LNPK: variants seen among roughly 807,000 people sequenced by gnomAD.
LNPK encodes the protein lunapark, ER junction formation factor, also known as endoplasmic reticulum junction formation protein lunapark.
A neutral mutation model predicts 55.2 loss-of-function variants in LNPK; 29 were observed. That is an observed-to-expected ratio of 0.53 (90% confidence interval 0.39 to 0.72). The LOEUF (loss-of-function observed/expected upper bound fraction) is 0.72. Among genes scored for constraint, LNPK ranks in the 30% least tolerant of loss-of-function variants. The pLI, the probability that LNPK is intolerant of heterozygous loss-of-function variation, is 0.00. For missense variants in LNPK, 467 were observed against 494.8 expected, an observed-to-expected ratio of 0.94 and a Z score of 0.53; for synonymous variants, 162 against 168.2, an observed-to-expected ratio of 0.96 and a Z score of 0.29.
intron 1 of LNPK, among the ~76,000 whole-genome samples, chr2:176,000,092 T>TGTC (rs535926878): frequency 1.0e-3 from 155 of 152,340 alleles, no homozygotes; most frequent in African/African-American, 3.3e-3. Context: ...TGAACAATAA[T>TGTC]GACCACCTTA....
chr2:175,954,924 C>CTAATACAAGCTAAATGCCA (rs1685620449), intron 8 of LNPK, among the ~76,000 whole-genome samples: 1 of 152,116 alleles, frequency 6.6e-6, no homozygotes, highest in South Asian at 2.1e-4. Flanking sequence ...ACTAAATATT[C>CTAATACAAGCTAAATGCCA]TAATACAAGC....
intron 8 of LNPK, among the ~76,000 whole-genome samples, chr2:175,961,826 C>A (rs1410969538): frequency 6.6e-6 from 1 of 152,188 alleles, no homozygotes; most frequent in Non-Finnish European, 1.5e-5. Flanking sequence ...CCCAAAATCT[C>A]CCTAAGCTGA....
chr2:175,928,905 A>C lies in LNPK; in HGVS notation c.*1062T>G, dbSNP rs1490165112. ...AAATGGCTGGCCTACGATGTTCCTGAATCAGAAAAACCTAACTTCTGATTA... is the reference window on the plus strand; with the variant it reads ...AAATGGCTGGCCTACGATGTTCCTGCATCAGAAAAACCTAACTTCTGATTA... On this transcript the variant is annotated 3_prime_UTR_variant, in exon 13 of 13. Coordinates refer to ENST00000272748, the MANE Select transcript of LNPK (RefSeq NM_030650.3). The C allele has an allele frequency of 5.8e-6, 1 of 172,184 alleles. No individual in the cohort carries two copies. Among genetic ancestry groups the C allele is most frequent in the East Asian group, 1.9e-4 (1 of 5,262 alleles). The allele number at this position is 172,184 out of a possible 1,614,324, so 10.7% of individuals were successfully genotyped here. A position where few individuals can be genotyped will look rare whatever the true frequency, so the allele number is the denominator to read the frequency against.
At chr2:175,934,125 A>G (rs1684425729) in intron 12 of LNPK, among the ~76,000 whole-genome samples, 1 of 152,240 alleles carries the variant, frequency 6.6e-6, no homozygotes, top group South Asian at 2.1e-4. Flanking sequence ...TGTGTCTAAA[A>G]CAAACATGCA....
Position 175,929,716 on chromosome 2 carries a change from T to C in LNPK, c.*251A>G, listed in dbSNP as rs1470021114. On this transcript the variant is annotated 3_prime_UTR_variant, in exon 13 of 13. Transcript: ENST00000272748. ...CTTACTTTTAGAATGGACAAAAAAGTATCTAAAAGCTGTCTCAATAGTGTG... is the reference window on the plus strand; with the variant it reads ...CTTACTTTTAGAATGGACAAAAAAGCATCTAAAAGCTGTCTCAATAGTGTG... 3 of 1,301,058 alleles carry C rather than the reference T, an allele frequency of 2.3e-6. No individual in the cohort carries two copies. Among genetic ancestry groups the C allele is most frequent in the Non-Finnish European group, 2.9e-6 (3 of 1,026,814 alleles). 80.6% of individuals were successfully genotyped at this position (1,301,058 alleles called of 1,614,324 possible). A position where few individuals can be genotyped will look rare whatever the true frequency, so the allele number is the denominator to read the frequency against.
At chr2:175,996,801 T>C (rs1432970162) in intron 1 of LNPK, among the ~76,000 whole-genome samples, 1 of 152,212 alleles carries the variant, frequency 6.6e-6, no homozygotes, top group Non-Finnish European at 1.5e-5. Flanking sequence ...CTCTCGAATG[T>C]TTTATAATAG....
At chr2:175,970,489 T>C (rs1686605463) in intron 6 of LNPK, among the ~76,000 whole-genome samples, 1 of 151,132 alleles carries the variant, frequency 6.6e-6, no homozygotes, top group Admixed American at 6.6e-5. Context: ...ATTTTTACCC[T>C]CTCTGCCTCA....
At chr2:175,969,810 C>G (rs1047069209) in intron 6 of LNPK, among the ~76,000 whole-genome samples, 4 of 152,124 alleles carry the variant, frequency 2.6e-5, no homozygotes, top group African/African-American at 7.2e-5. Flanking sequence ...TGATAAATAC[C>G]TCACAGGACA....
intron 6 of LNPK, among the ~76,000 whole-genome samples, chr2:175,968,469 T>C (rs1686482181): frequency 6.6e-6 from 1 of 152,194 alleles, no homozygotes; most frequent in Non-Finnish European, 1.5e-5. Flanking sequence ...GAAGGAATGC[T>C]CATGGATGCA....
chr2:175,968,068 G>A (rs1686462855), intron 6 of LNPK, among the ~76,000 whole-genome samples: 1 of 152,064 alleles, frequency 6.6e-6, no homozygotes, highest in East Asian at 1.9e-4. Flanking sequence ...ATTAATAAGA[G>A]AGTGCCATAA....
chr2:175,991,209 TACTAAACATCTC>T (rs1471360610), intron 4 of LNPK, among the ~76,000 whole-genome samples: 1 of 152,188 alleles, frequency 6.6e-6, no homozygotes, highest in Non-Finnish European at 1.5e-5. Context: ...TGCTTAAATT[TACTAAACATCTC>T]ATACTTATTT....
At chr2:176,001,860 T>A (rs754662704) in intron 1 of LNPK, among the ~76,000 whole-genome samples, 1 of 152,014 alleles carries the variant, frequency 6.6e-6, no homozygotes, top group African/African-American at 2.4e-5. Context: ...CCACCCGGAA[T>A]CTCCTAGAAC....
chr2:175,976,305 G>T (rs1483501266), intron 5 of LNPK, among the ~76,000 whole-genome samples: 1 of 152,250 alleles, frequency 6.6e-6, no homozygotes, highest in East Asian at 1.9e-4. Flanking sequence ...TAGAACTGTA[G>T]TAGTAAAGAA....
chr2:175,980,914 A>G (rs557514637), intron 4 of LNPK, among the ~76,000 whole-genome samples: 153 of 152,126 alleles, frequency 1.0e-3, no homozygotes, highest in African/African-American at 3.3e-3. Flanking sequence ...CAAAAAAAAA[A>G]AAAAAAAGAA....
chr2:175,957,169 C>T (rs1364762627), intron 8 of LNPK, among the ~76,000 whole-genome samples: 1 of 151,970 alleles, frequency 6.6e-6, no homozygotes, highest in Non-Finnish European at 1.5e-5. Flanking sequence ...ACCAGCCTGG[C>T]TGACATGGTG....
chr2:175,939,050 C>T (rs982228774), intron 10 of LNPK, among the ~76,000 whole-genome samples: 19 of 152,028 alleles, frequency 1.2e-4, no homozygotes, highest in African/African-American at 4.6e-4. Flanking sequence ...GGAGCGCTGT[C>T]AAACATCTAT....
At chr2:175,935,661 A>G in intron 12 of LNPK, 1 of 290,676 alleles carries the variant, frequency 3.4e-6, no homozygotes, top group Non-Finnish European at 5.1e-6. Flanking sequence ...AGCATTATGG[A>G]GTTATCAAAC....
At chr2:175,960,798 T>C (rs917006622) in intron 8 of LNPK, among the ~76,000 whole-genome samples, 3 of 151,326 alleles carry the variant, frequency 2.0e-5, no homozygotes, top group Non-Finnish European at 4.4e-5. Flanking sequence ...ACCAGCAAAA[T>C]AGATAGACCA....
intron 8 of LNPK, among the ~76,000 whole-genome samples, chr2:175,952,937 T>C (rs986104831): frequency 1.3e-5 from 2 of 152,136 alleles, no homozygotes; most frequent in African/African-American, 2.4e-5. Flanking sequence ...ATCTACTATT[T>C]ATATCAATCC....
Sources: gnomAD v4.1 joint callset for allele counts (sites outside exome capture counted in the v4.1 genomes callset) on GRCh38, gnomAD v4.1.1 for gene constraint, MANE v1.5 for transcripts, NCBI Gene and HGNC (gene_info 2026-07-23, HGNC 2026-07-21) for gene names.